COPG1: variants seen among roughly 807,000 people sequenced by gnomAD.
COPG1 encodes coatomer subunit gamma-1.
COPG1 carries 29 observed loss-of-function variants against 102.8 expected under a neutral mutation model. The observed-to-expected ratio is 0.28, with a 90% CI of 0.21 to 0.38. The LOEUF (loss-of-function observed/expected upper bound fraction) is 0.38. Among genes scored for constraint, COPG1 ranks in the 10% least tolerant of loss-of-function variants. The pLI, the probability that COPG1 is intolerant of heterozygous loss-of-function variation, is 1.00. For synonymous variants in COPG1, 406 were observed against 421.6 expected (o/e 0.96, Z 0.45); for missense variants, 875 against 1,132.7 (o/e 0.77, Z 3.27).
intron 21 of COPG1, 98 bp from the exon 22 acceptor site, chr3:129,274,740 C>CT: frequency 7.2e-7 from 1 of 1,381,836 alleles, no homozygotes; most frequent in Non-Finnish European, 1.0e-6. Flanking sequence ...GAGCAAGCAC[C>CT]TGTGGAAAGA....
chr3:129,271,903 T>G lies in COPG1; in HGVS notation c.1980T>G (p.Val660=). 1 of 1,613,874 alleles carries G rather than the reference T, an allele frequency of 6.2e-7. No homozygotes were observed. Among genetic ancestry groups the G allele is most frequent in the South Asian group, 1.1e-5 (1 of 91,010 alleles). Residue 660 remains valine, a synonymous_variant, in exon 19 of 24, where the codon GTT becomes GTG. Coordinates refer to ENST00000314797, the MANE Select transcript of COPG1 (RefSeq NM_016128.4). The surrounding 1 kb of genome is among the most constrained non-coding windows in gnomAD (Gnocchi z 4.7). ...CTKHTFTNHM[V]FQFDCTNTLN... ...AACACACCTTCACCAACCACATGGT[T>G]TTTCAGGTGAGCAAGGTGGGCTGAG...
At chr3:129,254,905 T>A in intron 6 of COPG1, 80 bp from the exon 7 acceptor site, 1 of 1,279,250 alleles carries the variant, frequency 7.8e-7, no homozygotes, top group Non-Finnish European at 1.1e-6. Context: ...CTCATACTCA[T>A]CTCTGCCCCC....
In COPG1 at chr3:129,268,938, C is replaced by T; in HGVS notation, c.1781C>T (p.Thr594Ile). Reference protein sequence around the residue: ...APMAEQRTESTPITAVKQPEK... With the variant: ...APMAEQRTESIPITAVKQPEK... ...GTATAATTTGCTCCTGCAGAAAGTA[C>T]CCCCATCACAGCAGTCAAACAGCCT... The change falls in exon 18 of 24, where the codon ACC (threonine) becomes ATC (isoleucine). Residue 594 changes from threonine (T) to isoleucine (I), a missense_variant. By Grantham distance (89) the Thr-to-Ile change is moderately conservative. Transcript: ENST00000314797. The T allele has an allele frequency of 6.2e-7, 1 of 1,614,042 alleles. No individual in the cohort carries two copies. Among genetic ancestry groups the T allele is most frequent in the Non-Finnish European group, 8.5e-7 (1 of 1,179,938 alleles).
Position 129,254,737 on chromosome 3 carries a change from C to T in COPG1, c.393C>T (p.Ile131=). 1 of 1,613,808 alleles carries T rather than the reference C, an allele frequency of 6.2e-7. No individual in the cohort carries two copies. Among genetic ancestry groups the T allele is most frequent in the East Asian group, 2.2e-5 (1 of 44,884 alleles). ...CGGCCGTGCGAGCCCTCTGCCAGAT[C>T]ACTGATGTGAGTCGTGCCGGTTCCT... ...RGPAVRALCQ[I]TDSTMLQAIE... The change falls in exon 6 of 24, where the codon ATC becomes ATT. Residue 131 remains isoleucine, a synonymous_variant. Transcript: ENST00000314797.
chr3:129,263,500 G>C (rs1939987501), intron 12 of COPG1, among the ~76,000 whole-genome samples: 1 of 152,188 alleles, frequency 6.6e-6, no homozygotes, highest in African/African-American at 2.4e-5. Flanking sequence ...ACTGTGAGAA[G>C]AGAAGCGGCC....
At chr3:129,263,787 T>G in intron 12 of COPG1, 117 bp from the exon 13 acceptor site, 1 of 821,116 alleles carries the variant, frequency 1.2e-6, no homozygotes, top group Non-Finnish European at 2.1e-6. Flanking sequence ...CTCCTTGCCC[T>G]TGTGTCATGC....
At chr3:129,251,416 C>T (rs1187239530) in intron 2 of COPG1, among the ~76,000 whole-genome samples, 1 of 150,490 alleles carries the variant, frequency 6.6e-6, no homozygotes, top group Non-Finnish European at 1.5e-5. Context: ...GCGTCTCACT[C>T]TGTTGCTCAG....
chr3:129,250,270 T>TTGGG (rs1196964402), intron 1 of COPG1, among the ~76,000 whole-genome samples: 4 of 152,190 alleles, frequency 2.6e-5, no homozygotes, highest in Admixed American at 6.5e-5. Context: ...ATTAGAATGG[T>TTGGG]TGCACCCACG....
At position 129,255,510 on chromosome 3, in the gene COPG1, T is replaced by C. The variant is rs540301475; in HGVS notation, c.492+433T>C. ...TTCTTTTTTTTTTTTTGAGACAGAG[T>C]CTCACTCTGTTGCCCAGGCTGGAGT... On this transcript the variant is annotated intron_variant, in intron 7 of 23. Coordinates refer to ENST00000314797, the MANE Select transcript of COPG1 (RefSeq NM_016128.4). Among the ~76,000 whole-genome samples, 10 of 134,552 alleles carry C rather than the reference T, an allele frequency of 7.4e-5. No homozygotes were observed. In the South Asian group the frequency reaches 2.3e-3, roughly 31 times the overall value. 88.3% of individuals were successfully genotyped at this position (134,552 alleles called of 152,430 possible).
Position 129,254,598 on chromosome 3 carries a change from G to A in COPG1, c.324-70G>A, listed in dbSNP as rs1006173795. On this transcript the variant is annotated intron_variant, in intron 5 of 23. Coordinates refer to ENST00000314797, the MANE Select transcript of COPG1 (RefSeq NM_016128.4). ...TCGTGTAGTAATCTGGGCAAGGGTG[G>A]TGTTGGGAGCTGGAGAGGAGTAAAC... 3.6e-5 allele frequency: 40 copies of A among 1,122,064 alleles called. No individual in the cohort carries two copies. The African/African-American group carries it at 6.0e-4, about 17-fold the overall frequency. 69.5% of individuals were successfully genotyped at this position (1,122,064 alleles called of 1,614,324 possible). A position where few individuals can be genotyped will look rare whatever the true frequency, so the allele number is the denominator to read the frequency against.
chr3:129,277,579 AC>A lies in COPG1; in HGVS notation c.*158del, dbSNP rs1940302040. The A allele has an allele frequency of 1.3e-5, 6 of 461,734 alleles. No homozygotes were observed. The highest frequency in any genetic ancestry group is 2.1e-5 in the Non-Finnish European group (6 of 279,106). 28.6% of individuals were successfully genotyped at this position (461,734 alleles called of 1,614,324 possible). A position where few individuals can be genotyped will look rare whatever the true frequency, so the allele number is the denominator to read the frequency against. ...TTTTTTTATTCTGCTCCCACCTCCC[AC>A]CCGGGACTACTTGCTGGTGACTTTT... On this transcript the variant is annotated 3_prime_UTR_variant, in exon 24 of 24. Transcript: ENST00000314797.
intron 13 of COPG1, among the ~76,000 whole-genome samples, chr3:129,264,839 T>C (rs1462531487): frequency 6.6e-6 from 1 of 151,726 alleles, no homozygotes; most frequent in Non-Finnish European, 1.5e-5. Context: ...TTTTTTCTGT[T>C]GAGTAGGAGT....
rs1248102427 is a variant in COPG1, at chr3:129,268,013, G to A, written c.1621G>A (p.Ala541Thr). The change falls in exon 16 of 24, where the codon GCC (alanine) becomes ACC (threonine). Residue 541 changes from alanine (A) to threonine (T), a missense_variant. Coordinates refer to ENST00000314797, the MANE Select transcript of COPG1 (RefSeq NM_016128.4). ...AAATGTCCTGGAGCAGAAGCAGAAG[G>A]CCCTTAATGCAGGCTATATCCTAAA... ...YLNVLEQKQK[A>T]LNAGYILNGL... 3 of 1,613,976 alleles carry A rather than the reference G, an allele frequency of 1.9e-6. No individual in the cohort carries two copies. Among genetic ancestry groups the A allele is most frequent in the Non-Finnish European group, 2.5e-6 (3 of 1,179,916 alleles).
At position 129,275,220 on chromosome 3, in the gene COPG1, T is replaced by C. The variant is rs1451532213; in HGVS notation, c.2422T>C (p.Leu808=). ...EEAVGNIVKF[L]GMHPCERSDK... ...GGCTGTGGGTAATATTGTGAAGTTC[T>C]TGGGAATGCACCCTTGTGAGAGGTC... is the stretch of plus-strand genomic sequence containing the variant. Residue 808 remains leucine (L), a synonymous_variant, in exon 23 of 24, where the codon TTG becomes CTG. Transcript: ENST00000314797. This position sits in a 1 kb window ranked among gnomAD's most constrained non-coding sequence, Gnocchi z 5.0. 1.2e-6 allele frequency: 2 copies of C among 1,614,084 alleles called. No individual in the cohort carries two copies. Among genetic ancestry groups the C allele is most frequent in the Non-Finnish European group, 1.7e-6 (2 of 1,180,040 alleles).
rs1257886065 is a variant in COPG1, at chr3:129,252,656, G to T, written c.205G>T (p.Ala69Ser). Residue 69 changes from alanine (A) to serine (S), a missense_variant, in exon 4 of 24, where the codon GCC (alanine) becomes TCC (serine). Transcript: ENST00000314797. ...CCTGGGGACCACGGAAGCGACCGAG[G>T]CCTTCTTTGCCATGACCAAGCTCTT... ...EHLGTTEATE[A>S]FFAMTKLFQS... 1.2e-6 allele frequency: 2 copies of T among 1,614,038 alleles called. No homozygotes were observed. Among genetic ancestry groups the T allele is most frequent in the African/African-American group, 2.7e-5 (2 of 74,912 alleles).
chr3:129,258,302 G>A (rs746107114), intron 10 of COPG1, among the ~76,000 whole-genome samples: 8 of 152,260 alleles, frequency 5.3e-5, no homozygotes, highest in Non-Finnish European at 7.3e-5. Context: ...AACTGGGCAA[G>A]CCTGGCAAGG....
At chr3:129,252,386 G>A in intron 3 of COPG1, 25 bp downstream of exon 3, 1 of 1,517,580 alleles carries the variant, frequency 6.6e-7, no homozygotes, top group South Asian at 1.1e-5. Flanking sequence ...CTTGCGGGTA[G>A]GGAGAATGGT....
intron 20 of COPG1, 55 bp downstream of exon 20, chr3:129,272,470 G>A (rs1373786849): frequency 2.0e-6 from 3 of 1,474,586 alleles, no homozygotes; most frequent in Non-Finnish European, 2.8e-6. Flanking sequence ...GGGGTCAGGA[G>A]GAGGTGGGCG....
chr3:129,269,141 C>G (rs1313390602), intron 18 of COPG1, 141 bp downstream of exon 18: 12 of 706,934 alleles, frequency 1.7e-5, no homozygotes, highest in African/African-American at 3.6e-5. Flanking sequence ...ATTTGACCCT[C>G]AGGTGGTGGT....
Sources: gnomAD v4.1 joint callset for allele counts (sites outside exome capture counted in the v4.1 genomes callset) on GRCh38, gnomAD v4.1.1 for gene constraint, Gnocchi (gnomAD v3.1) non-coding constraint, MANE v1.5 for transcripts, NCBI Gene and HGNC (gene_info 2026-07-23, HGNC 2026-07-21) for gene names.